Variants in EPGN observed in about 807,000 individuals in gnomAD.
EPGN encodes epigen.
Under a neutral mutation model 20.7 loss-of-function variants are expected in EPGN, and 21 were observed. The observed-to-expected ratio is 1.01, with a 90% confidence interval of 0.72 to 1.46. The LOEUF is 1.46. EPGN is among the 40% of genes most tolerant of loss of function. The probability of loss-of-function intolerance (pLI) is 0.00; values close to 1 mark genes in which losing one functional copy is unlikely to be tolerated. For missense variants in EPGN, 199 were observed against 180.7 expected (o/e 1.10, Z -0.58); for synonymous variants, 69 against 63.8 (o/e 1.08, Z -0.39).
At chr4:74,311,384 A>G (rs892227937) in intron 2 of EPGN, among the ~76,000 whole-genome samples, 1 of 152,184 alleles carries the variant, frequency 6.6e-6, no homozygotes, top group South Asian at 2.1e-4. Flanking sequence ...GTAATACAAC[A>G]TAGTATTTTG....
rs868302602 is a variant in EPGN at position 74,312,225 on chromosome 4, C to T, written c.174C>T (p.His58=). Residue 58 remains histidine, a synonymous_variant, in exon 3 of 5, where the codon CAC becomes CAT. Coordinates refer to ENST00000413830, the MANE Select transcript of EPGN (RefSeq NM_001270989.2). ...GACCCATAGCCTTGAAGTTCTCACA[C>T]CTTTGCCTGGAAGATCATAACAGTT... is the stretch of plus-strand genomic sequence containing the variant. ...IEGPIALKFS[H]LCLEDHNSYC... 3 of 1,613,162 alleles carry T rather than the reference C, an allele frequency of 1.9e-6. No individual in the cohort carries two copies. Among genetic ancestry groups the T allele is most frequent in the East Asian group, 2.2e-5 (1 of 44,820 alleles).
In EPGN at chr4:74,309,508, G is replaced by T. The variant is rs1471264863; in HGVS notation, c.133+326G>T. 2.6e-5 allele frequency among the ~76,000 whole-genome samples: 4 copies of T among 152,176 alleles called. No individual in the cohort carries two copies. The East Asian group carries it at 7.7e-4, about 29-fold the overall frequency. On this transcript the variant is annotated intron_variant, in intron 2 of 4. Transcript: ENST00000413830. ...ACAGAGACAGTTTGTCCCCATTTTG[G>T]CATTCTTGATGAGCAGCATTATATT...
At chr4:74,308,668 A>G in intron 1 of EPGN, 92 bp downstream of exon 1, 1 of 1,083,594 alleles carries the variant, frequency 9.2e-7, no homozygotes, top group South Asian at 1.6e-5. Context: ...GTTGGCTTCT[A>G]ACAGTTGTTC....
chr4:74,315,512 C>T lies in EPGN; in HGVS notation c.*875C>T, dbSNP rs752740179. ...ACTGAATAAAAGTCTACAATTGGCC[C>T]TAAAATAGAAACTGAAAAACAGGAC... On this transcript the variant is annotated 3_prime_UTR_variant, in exon 5 of 5. Coordinates refer to ENST00000413830, the MANE Select transcript of EPGN (RefSeq NM_001270989.2). Among the ~76,000 whole-genome samples the T allele has an allele frequency of 1.3e-5, 2 of 152,036 alleles. No individual in the cohort carries two copies. Among genetic ancestry groups the T allele is most frequent in the African/African-American group, 4.8e-5 (2 of 41,376 alleles).
chr4:74,309,072 GC>G lies in EPGN; in HGVS notation c.44-20del. ...TAGAAGGAGGCTCTCTGTTAAAGAT[GC>G]TTTTGCCCCCTTAATACAGCAATGA... On this transcript the variant is annotated intron_variant, in intron 1 of 4. Coordinates refer to ENST00000413830, the MANE Select transcript of EPGN (RefSeq NM_001270989.2). 1 of 1,591,690 alleles carries G rather than the reference GC, an allele frequency of 6.3e-7. No homozygotes were observed. The highest frequency in any genetic ancestry group is 8.6e-7 in the Non-Finnish European group (1 of 1,162,190).
intron 2 of EPGN, among the ~76,000 whole-genome samples, chr4:74,309,788 T>C (rs1388844118): frequency 2.0e-5 from 3 of 152,174 alleles, no homozygotes; most frequent in Non-Finnish European, 4.4e-5. Flanking sequence ...TTCTCTAATC[T>C]GTTTAAACTC....
intron 2 of EPGN, among the ~76,000 whole-genome samples, chr4:74,310,370 G>A (rs1456672640): frequency 6.7e-6 from 1 of 148,952 alleles, no homozygotes; most frequent in African/African-American, 2.5e-5. Flanking sequence ...GCTGATGAAG[G>A]AGAATTGCTT....
intron 4 of EPGN, chr4:74,313,704 T>G: frequency 1.2e-6 from 1 of 814,358 alleles, no homozygotes; most frequent in African/African-American, 1.9e-5. Context: ...ATAATTGTAA[T>G]TATTTACATA....
intron 4 of EPGN, 110 bp from the exon 5 acceptor site, chr4:74,314,470 G>T: frequency 1.9e-6 from 2 of 1,039,350 alleles, no homozygotes; most frequent in South Asian, 2.9e-5. Flanking sequence ...TGGGTAAAGG[G>T]GATCTGGGTG....
chr4:74,309,405 T>C (rs1750746974), intron 2 of EPGN, among the ~76,000 whole-genome samples: 1 of 152,234 alleles, frequency 6.6e-6, no homozygotes, highest in Non-Finnish European at 1.5e-5. Flanking sequence ...AAAAGCTGTC[T>C]TCAGTTACTG....
intron 2 of EPGN, among the ~76,000 whole-genome samples, chr4:74,309,720 C>A (rs1397102047): frequency 6.6e-6 from 1 of 152,086 alleles, no homozygotes. Context: ...GATATATTTT[C>A]TTTTGCACTT....
intron 4 of EPGN, chr4:74,314,068 C>G (rs1251726735): frequency 2.2e-6 from 1 of 454,708 alleles, no homozygotes; most frequent in Non-Finnish European, 4.4e-6. Context: ...AGAAGCGGAG[C>G]CTTCAGATAG....
At chr4:74,312,959 G>T in intron 3 of EPGN, 59 bp from the exon 4 acceptor site, 1 of 1,311,200 alleles carries the variant, frequency 7.6e-7, no homozygotes, top group Non-Finnish European at 1.1e-6. Context: ...ATTGAAACAG[G>T]TTATTTGTAT....
At chr4:74,312,893 T>C in intron 3 of EPGN, 125 bp from the exon 4 acceptor site, 1 of 786,040 alleles carries the variant, frequency 1.3e-6, no homozygotes, top group South Asian at 2.0e-5. Context: ...TTGGCTTTCA[T>C]TTGGTATTTG....
In EPGN at chr4:74,313,731, G is replaced by T. The variant is rs548949319; in HGVS notation, c.407+561G>T. The T allele has an allele frequency of 9.8e-4, 732 of 745,170 alleles. 7 individuals carry two copies. In the African/African-American group the frequency reaches 0.013, roughly 14 times the overall value. 46.2% of individuals were successfully genotyped at this position (745,170 alleles called of 1,614,324 possible). On this transcript the variant is annotated intron_variant, in intron 4 of 4. Transcript: ENST00000413830. Reference sequence around the variant, plus strand: ...ATTTACATATTCATTCTTATTTCTTGTTTTTTCCACATGAGTAATTTTTCC... The same window carrying T: ...ATTTACATATTCATTCTTATTTCTTTTTTTTTCCACATGAGTAATTTTTCC...
rs1348801554 is a variant in EPGN at position 74,316,096 on chromosome 4, G to T, written c.*1459G>T. 6.6e-6 allele frequency among the ~76,000 whole-genome samples: 1 copy of T among 152,040 alleles called. No homozygotes were observed. The highest frequency in any genetic ancestry group is 1.5e-5 in the Non-Finnish European group (1 of 68,016). ...CTCTTAGCTCTAAAACTTGACAGTGGAATAAGGAAATGTTTTTCCAAATCT... is the reference window on the plus strand; with the variant it reads ...CTCTTAGCTCTAAAACTTGACAGTGTAATAAGGAAATGTTTTTCCAAATCT... On this transcript the variant is annotated 3_prime_UTR_variant, in exon 5 of 5. Transcript: ENST00000413830.
At position 74,314,667 on chromosome 4, in the gene EPGN, T is replaced by A. The variant is rs1327120014; in HGVS notation, c.*30T>A. ...TTTGTGAAGAATTTTCATCAAGGCATCTGTAGAGATCAGTGAGCCCAAAAT... is the reference window on the plus strand; with the variant it reads ...TTTGTGAAGAATTTTCATCAAGGCAACTGTAGAGATCAGTGAGCCCAAAAT... On this transcript the variant is annotated 3_prime_UTR_variant, in exon 5 of 5. Transcript: ENST00000413830. The A allele has an allele frequency of 1.6e-5, 24 of 1,531,050 alleles. No homozygotes were observed. The highest frequency in any genetic ancestry group is 2.0e-5 in the Non-Finnish European group (23 of 1,143,204). 94.8% of individuals were successfully genotyped at this position (1,531,050 alleles called of 1,614,324 possible). A position where few individuals can be genotyped will look rare whatever the true frequency, so the allele number is the denominator to read the frequency against.
intron 2 of EPGN, 37 bp from the exon 3 acceptor site, chr4:74,312,148 A>C: frequency 6.4e-7 from 1 of 1,563,496 alleles, no homozygotes. Context: ...AAAGTAAGAC[A>C]CATTTCATTT....
chr4:74,314,134 A>T, intron 4 of EPGN: 1 of 457,146 alleles, frequency 2.2e-6, no homozygotes, highest in Admixed American at 2.3e-5. Context: ...TTTAGGTGAA[A>T]CCTGTAATAA....
Sources: gnomAD v4.1 joint callset for allele counts (sites outside exome capture counted in the v4.1 genomes callset) on GRCh38, gnomAD v4.1.1 for gene constraint, MANE v1.5 for transcripts, NCBI Gene and HGNC (gene_info 2026-07-23, HGNC 2026-07-21) for gene names.